KRT34: variants seen among roughly 807,000 people sequenced by gnomAD.
The protein encoded by KRT34 is keratin, type I cuticular Ha4.
KRT34 carries 31 observed loss-of-function variants against 41.7 expected under a neutral mutation model. That is an observed-to-expected ratio of 0.74 (90% CI 0.56 to 1.00). KRT34 has a LOEUF of 1.00. Ranked by LOEUF, KRT34 falls within the 50% of genes least tolerant of loss-of-function variation. KRT34 has a pLI of 0.00. For missense variants in KRT34, 523 were observed against 500.3 expected, an observed-to-expected ratio of 1.05 and a Z score of -0.43; for synonymous variants, 224 against 212.9, an observed-to-expected ratio of 1.05 and a Z score of -0.45.
rs202205358 is a variant in KRT34 at position 41,379,532 on chromosome 17, A to G, written c.750+38T>C. The stretch of plus-strand genomic sequence containing the variant: ...GACCCTGTCTCCAGGGCCCTGGGGC[A>G]CCTCGGGTCCTGAGTGGCCATGTGC... On this transcript the variant is annotated intron_variant, in intron 4 of 6. Coordinates refer to ENST00000394001, the MANE Select transcript of KRT34 (RefSeq NM_001386014.1). 42 of 1,613,818 alleles carry G rather than the reference A, an allele frequency of 2.6e-5. No homozygotes were observed. The Middle Eastern group carries it at 5.0e-4, about 19-fold the overall frequency.
At position 41,379,010 on chromosome 17, in the gene KRT34, C is replaced by T. The variant is rs1239097466; in HGVS notation, c.1043G>A (p.Arg348Gln). 14 of 1,613,834 alleles carry T rather than the reference C, an allele frequency of 8.7e-6. No individual in the cohort carries two copies. The highest frequency in any genetic ancestry group is 2.2e-5 in the South Asian group (2 of 91,060). ...GTACGTGTTGATCTCACACTCCAGC[C>T]GGGCACGCACGTCCAGCAGCACCTG... is the stretch of plus-strand genomic sequence containing the variant. ...EYQVLLDVRA[R>Q]LECEINTYRS... The change falls in exon 6 of 7, where the codon CGG becomes CAG. Residue 348 changes from arginine to glutamine, a missense_variant. Coordinates refer to ENST00000394001, the MANE Select transcript of KRT34 (RefSeq NM_001386014.1).
chr17:41,380,401 CT>C (rs572671966), intron 3 of KRT34, among the ~76,000 whole-genome samples: 148 of 152,328 alleles, frequency 9.7e-4, no homozygotes, highest in Non-Finnish European at 1.6e-3. Flanking sequence ...AAGACTAAGT[CT>C]AAACTCCTTG....
chr17:41,377,885 A>G lies in KRT34; in HGVS notation c.*174T>C, dbSNP rs1172661910. ...GGAGTTGTCCAGACATTGGAAGTTG[A>G]TGATGTGTGTCTTTGCTTGGGTCAG... On this transcript the variant is annotated 3_prime_UTR_variant, in exon 7 of 7. Transcript: ENST00000394001. The G allele has an allele frequency of 1.2e-5, 7 of 576,514 alleles. No homozygotes were observed. The highest frequency in any genetic ancestry group is 5.6e-5 in the African/African-American group (3 of 53,882). 35.7% of individuals were successfully genotyped at this position (576,514 alleles called of 1,614,324 possible). A position where few individuals can be genotyped will look rare whatever the true frequency, so the allele number is the denominator to read the frequency against.
chr17:41,381,219 G>C lies in KRT34; in HGVS notation c.432-7C>G, dbSNP rs763392861. On this transcript the variant is annotated splice_polypyrimidine_tract_variant and splice_region_variant and intron_variant, in intron 2 of 6. Transcript: ENST00000394001. ...GGACTGCTCCGTCTGGTACCTGCAC[G>C]TGTCGGAGTGGGAGGATAAGTCAGG... 2 of 1,610,876 alleles carry C rather than the reference G, an allele frequency of 1.2e-6. No homozygotes were observed.
In KRT34 at chr17:41,382,104, C is replaced by T; in HGVS notation, c.143G>A (p.Cys48Tyr). 1 of 1,612,652 alleles carries T rather than the reference C, an allele frequency of 6.2e-7. No homozygotes were observed. The highest frequency in any genetic ancestry group is 8.5e-7 in the Non-Finnish European group (1 of 1,180,048). The part of the protein sequence containing the change: ...PANVSNCNWF[C>Y]EGSFNGSEKE... ...CTCGCTGCCATTGAAGGAGCCCTCA[C>T]AGAACCAGTTGCAGTTGCTCACATT... Residue 48 changes from cysteine (C) to tyrosine (Y), a missense_variant, in exon 1 of 7, where the codon TGT becomes TAT. Physicochemically the swap from Cys to Tyr is radical, Grantham distance 194. Coordinates refer to ENST00000394001, the MANE Select transcript of KRT34 (RefSeq NM_001386014.1).
chr17:41,378,463 G>A lies in KRT34; in HGVS notation c.1098-317C>T, dbSNP rs551050238. Among the ~76,000 whole-genome samples, 30 of 152,152 alleles carry A rather than the reference G, an allele frequency of 2.0e-4. No individual in the cohort carries two copies. In the South Asian group the frequency reaches 5.0e-3, roughly 25 times the overall value. ...CGTCACCATGCCTGGCTAATTTTTT[G>A]TATTTTTGGTAGCGATGGGGTTTCA... On this transcript the variant is annotated intron_variant, in intron 6 of 6. Coordinates refer to ENST00000394001, the MANE Select transcript of KRT34 (RefSeq NM_001386014.1).
Position 41,381,965 on chromosome 17 carries a change from C to T in KRT34, c.282G>A (p.Gln94=), listed in dbSNP as rs779269498. Residue 94 remains glutamine, a synonymous_variant, in exon 1 of 7, where the codon CAG becomes CAA. Transcript: ENST00000394001. ...LEKLIQERSQ[Q]QEPLLCPSYQ... is the part of the protein sequence containing the mutation. The stretch of plus-strand genomic sequence containing the variant: ...AGCTGGGGCACAGCAAGGGCTCCTG[C>T]TGCTGGGACCGCTCCTGGATGAGTT... 6.2e-7 allele frequency: 1 copy of T among 1,614,286 alleles called. No homozygotes were observed. The highest frequency in any genetic ancestry group is 8.5e-7 in the Non-Finnish European group (1 of 1,180,060).
In KRT34 at chr17:41,377,889, T is replaced by C. The variant is rs981409030; in HGVS notation, c.*170A>G. 1.7e-6 allele frequency: 1 copy of C among 580,506 alleles called. No individual in the cohort carries two copies. The highest frequency in any genetic ancestry group is 2.8e-5 in the East Asian group (1 of 36,128). 36.0% of individuals were successfully genotyped at this position (580,506 alleles called of 1,614,324 possible). ...TTGTCCAGACATTGGAAGTTGATGA[T>C]GTGTGTCTTTGCTTGGGTCAGGAAA... On this transcript the variant is annotated 3_prime_UTR_variant, in exon 7 of 7. Coordinates refer to ENST00000394001, the MANE Select transcript of KRT34 (RefSeq NM_001386014.1).
At position 41,378,152 on chromosome 17, in the gene KRT34, A is replaced by G. The variant is rs777169397; in HGVS notation, c.1098-6T>C. ...CGCATGGGTTGCAGGGGAGCCTAGG[A>G]GGACAAGGAGGTTTAGAATGGCTTT... On this transcript the variant is annotated splice_region_variant and splice_polypyrimidine_tract_variant and intron_variant, in intron 6 of 6. Transcript: ENST00000394001. The G allele has an allele frequency of 1.2e-6, 2 of 1,607,202 alleles. No homozygotes were observed. The highest frequency in any genetic ancestry group is 1.7e-6 in the Non-Finnish European group (2 of 1,173,926).
chr17:41,382,771 T>C (rs182676001), upstream of KRT34, among the ~76,000 whole-genome samples: 13 of 152,336 alleles, frequency 8.5e-5, no homozygotes, highest in Admixed American at 3.9e-4. Context: ...AATTTGTTTT[T>C]ATAGCAGAAA....
chr17:41,383,420 T>C (rs115400101), upstream of KRT34, among the ~76,000 whole-genome samples: 1,761 of 152,322 alleles, frequency 0.012, 26 homozygotes, highest in African/African-American at 0.04. Context: ...TGACAGAGAC[T>C]ATAGTGTCCA....
chr17:41,381,608 GCC>G, intron 2 of KRT34, 103 bp downstream of exon 2: 1 of 997,444 alleles, frequency 1.0e-6, no homozygotes, highest in Non-Finnish European at 1.5e-6. Flanking sequence ...TACATAACCA[GCC>G]CTAGGAGGAG....
Position 41,382,060 on chromosome 17 carries a change from G to A in KRT34, c.187C>T (p.Leu63=), listed in dbSNP as rs369259644. The part of the protein sequence containing the change: ...NGSEKETMQF[L]NDRLASYLEK... Reference sequence around the variant, plus strand: ...AGGTAGCTGGCCAGGCGGTCGTTCAGGAACTGCATAGTCTCCTTCTCGCTG... The same window carrying A: ...AGGTAGCTGGCCAGGCGGTCGTTCAAGAACTGCATAGTCTCCTTCTCGCTG... The change falls in exon 1 of 7, where the codon CTG becomes TTG. Residue 63 remains leucine (L), a synonymous_variant. Coordinates refer to ENST00000394001, the MANE Select transcript of KRT34 (RefSeq NM_001386014.1). The A allele has an allele frequency of 5.6e-6, 9 of 1,613,574 alleles. No homozygotes were observed. The highest frequency in any genetic ancestry group is 1.3e-5 in the African/African-American group (1 of 74,934).
Position 41,378,967 on chromosome 17 carries a change from A to C in KRT34, c.1086T>G (p.Ser362Arg). Residue 362 changes from serine (S) to arginine (R), a missense_variant, in exon 6 of 7, where the codon AGT becomes AGG. By Grantham distance (110) the Ser-to-Arg change is moderately radical. Coordinates refer to ENST00000394001, the MANE Select transcript of KRT34 (RefSeq NM_001386014.1). ...EINTYRSLLE[S>R]EDCKLPCNPC... is the part of the protein sequence containing the mutation. ...TGCCCCATACTCACTTGCAGTCCTC[A>C]CTCTCCAGGAGGCTCCGGTACGTGT... 6.2e-7 allele frequency: 1 copy of C among 1,613,870 alleles called. No individual in the cohort carries two copies. The highest frequency in any genetic ancestry group is 8.5e-7 in the Non-Finnish European group (1 of 1,179,970).
At chr17:41,380,760 T>C (rs113783211) in intron 3 of KRT34, among the ~76,000 whole-genome samples, 98 of 152,284 alleles carry the variant, frequency 6.4e-4, no homozygotes, top group African/African-American at 2.3e-3. Flanking sequence ...TATTTCTTTT[T>C]TGTCCCTCCA....
At position 41,382,219 on chromosome 17, in the gene KRT34, G is replaced by C. The variant is rs746859201; in HGVS notation, c.28C>G (p.Leu10Val). MSYSCCLPS[L>V]GCRTSCSSRP... ...GAGGAGCAGCTGGTGCGGCAGCCCA[G>C]GCTGGGCAGGCAACAACTGTAAGAC... is the stretch of plus-strand genomic sequence containing the variant. Residue 10 changes from leucine (L) to valine (V), a missense_variant, in exon 1 of 7, where the codon CTG (leucine) becomes GTG (valine). Physicochemically the swap from Leu to Val is conservative, Grantham distance 32. Coordinates refer to ENST00000394001, the MANE Select transcript of KRT34 (RefSeq NM_001386014.1). The C allele has an allele frequency of 1.9e-6, 3 of 1,612,566 alleles. No homozygotes were observed.
Position 41,379,195 on chromosome 17 carries a change from G to A in KRT34, c.877-19C>T, listed in dbSNP as rs1428041629. 6.2e-7 allele frequency: 1 copy of A among 1,613,924 alleles called. No homozygotes were observed. The highest frequency in any genetic ancestry group is 1.7e-5 in the Admixed American group (1 of 60,022). On this transcript the variant is annotated intron_variant, in intron 5 of 6. Coordinates refer to ENST00000394001, the MANE Select transcript of KRT34 (RefSeq NM_001386014.1). Reference sequence around the variant, plus strand: ...AGTCTCGCTGTGGTGGGGAAGATCAGGAATGTCAGAGAGCTGCTCCTTCAA... The same window carrying A: ...AGTCTCGCTGTGGTGGGGAAGATCAAGAATGTCAGAGAGCTGCTCCTTCAA...
At position 41,379,718 on chromosome 17, in the gene KRT34, A is replaced by C. The variant is rs2017939257; in HGVS notation, c.602T>G (p.Leu201Arg). ...KKNHEEEVNT[L>R]RSQLGDRLNV... ...GAGGCGGTCTCCAAGCTGGGAGCGC[A>C]GGGTGTTAACCTCCTGTTGGAGAAA... Residue 201 changes from leucine to arginine, a missense_variant, in exon 4 of 7, where the codon CTG (leucine) becomes CGG (arginine). By Grantham distance (102) the Leu-to-Arg change is moderately radical. Transcript: ENST00000394001. 1 of 1,609,168 alleles carries C rather than the reference A, an allele frequency of 6.2e-7. No individual in the cohort carries two copies. Among genetic ancestry groups the C allele is most frequent in the East Asian group, 2.2e-5 (1 of 44,878 alleles).
chr17:41,379,908 T>A (rs571289151), intron 3 of KRT34, among the ~76,000 whole-genome samples, 177 bp from the exon 4 acceptor site: 2 of 151,546 alleles, frequency 1.3e-5, no homozygotes, highest in Non-Finnish European at 2.9e-5. Flanking sequence ...TCAATTGCTG[T>A]CCCATGGAAG....
Sources: gnomAD v4.1 joint callset for allele counts (sites outside exome capture counted in the v4.1 genomes callset) on GRCh38, gnomAD v4.1.1 for gene constraint, MANE v1.5 for transcripts, NCBI Gene and HGNC (gene_info 2026-07-23, HGNC 2026-07-21) for gene names.